DEGS1: variants seen among roughly 807,000 people sequenced by gnomAD.
The protein encoded by DEGS1 is sphingolipid delta(4)-desaturase DES1.
A neutral mutation model predicts 24.1 loss-of-function variants in DEGS1; 17 were observed. The ratio of observed to expected loss-of-function variants is 0.70; its 90% CI spans 0.48 to 1.06. The LOEUF (loss-of-function observed/expected upper bound fraction) is 1.06, where lower values mean the gene tolerates loss of function less well. Among genes scored for constraint, DEGS1 ranks in the 50% least tolerant of loss-of-function variants. The pLI is 0.00. For synonymous variants in DEGS1, 134 were observed against 140.0 expected, an observed-to-expected ratio of 0.96 and a Z score of 0.30; for missense variants, 366 against 408.9, an observed-to-expected ratio of 0.90 and a Z score of 0.91.
intron 1 of DEGS1, among the ~76,000 whole-genome samples, chr1:224,186,924 A>G (rs935067282): frequency 2.6e-5 from 4 of 152,090 alleles, no homozygotes; most frequent in African/African-American, 9.7e-5. Context: ...GGGGGAGGGA[A>G]GGGGCCTGAT....
chr1:224,187,969 T>A (rs1167998617), intron 1 of DEGS1, among the ~76,000 whole-genome samples: 1 of 151,788 alleles, frequency 6.6e-6, no homozygotes, highest in Non-Finnish European at 1.5e-5. Flanking sequence ...TTTTTTTTTT[T>A]TAATTTGTAG....
chr1:224,183,279 C>G lies in DEGS1; in HGVS notation c.-58C>G. 1.4e-6 allele frequency: 2 copies of G among 1,437,182 alleles called. No homozygotes were observed. The highest frequency in any genetic ancestry group is 1.4e-5 in the South Asian group (1 of 73,472). 89.0% of individuals were successfully genotyped at this position (1,437,182 alleles called of 1,614,324 possible). A position where few individuals can be genotyped will look rare whatever the true frequency, so the allele number is the denominator to read the frequency against. Reference sequence around the variant, plus strand: ...GGAGCCGCCGCCGCCGCCGCCACCTCTGAGCAGCCGGCTGGGAGCGAGAGC... The same window carrying G: ...GGAGCCGCCGCCGCCGCCGCCACCTGTGAGCAGCCGGCTGGGAGCGAGAGC... On this transcript the variant is annotated 5_prime_UTR_variant, in exon 1 of 3. Coordinates refer to ENST00000323699, the MANE Select transcript of DEGS1 (RefSeq NM_003676.4).
chr1:224,189,047 A>G (rs1351963262), intron 1 of DEGS1, among the ~76,000 whole-genome samples: 6 of 152,184 alleles, frequency 3.9e-5, no homozygotes, highest in African/African-American at 1.4e-4. Context: ...GTCTAGCACC[A>G]TTTGTTGAAA....
chr1:224,192,290 G>C (rs191174478), intron 2 of DEGS1, 42 bp from the exon 3 acceptor site: 5 of 1,585,756 alleles, frequency 3.2e-6, no homozygotes, highest in Non-Finnish European at 4.3e-6. Flanking sequence ...AAAGAACCTA[G>C]TAACACTCAT....
At chr1:224,190,488 G>T (rs576886790) in intron 2 of DEGS1, among the ~76,000 whole-genome samples, 169 bp downstream of exon 2, 15 of 151,776 alleles carry the variant, frequency 9.9e-5, no homozygotes, top group African/African-American at 3.6e-4. Flanking sequence ...CTCCCAAGTA[G>T]TTGGGATTAC....
intron 1 of DEGS1, among the ~76,000 whole-genome samples, chr1:224,187,150 A>G (rs1658415032): frequency 6.6e-6 from 1 of 152,066 alleles, no homozygotes; most frequent in Non-Finnish European, 1.5e-5. Context: ...TCTACTAAAA[A>G]TACAAAAATT....
chr1:224,186,264 C>T (rs900246940), intron 1 of DEGS1, among the ~76,000 whole-genome samples: 1 of 151,986 alleles, frequency 6.6e-6, no homozygotes, highest in Admixed American at 6.6e-5. Context: ...GCCGTGATTG[C>T]CCCACCGCGT....
Position 224,192,533 on chromosome 1 carries a change from T to C in DEGS1, c.*55T>C. ...CAAAACTTTAGATGATAAAATGGAA[T>C]TTTTGCATTATTAAACTTGAGACCA... On this transcript the variant is annotated 3_prime_UTR_variant, in exon 3 of 3. Transcript: ENST00000323699. The C allele has an allele frequency of 1.3e-6, 2 of 1,549,864 alleles. No homozygotes were observed. The highest frequency in any genetic ancestry group is 8.7e-7 in the Non-Finnish European group (1 of 1,145,018).
At chr1:224,188,607 G>T (rs543156864) in intron 1 of DEGS1, among the ~76,000 whole-genome samples, 8 of 152,266 alleles carry the variant, frequency 5.3e-5, no homozygotes, top group African/African-American at 1.7e-4. Flanking sequence ...ACGGTGTTGA[G>T]CCTCTTTCAT....
chr1:224,191,004 A>G (rs1359412706), intron 2 of DEGS1: 1 of 152,108 alleles, frequency 6.6e-6, no homozygotes. Flanking sequence ...CTACAGCCAC[A>G]TGCTATGACA....
At chr1:224,185,425 G>A (rs1191484521) in intron 1 of DEGS1, among the ~76,000 whole-genome samples, 1 of 152,166 alleles carries the variant, frequency 6.6e-6, no homozygotes, top group Non-Finnish European at 1.5e-5. Context: ...TGCAGCCTGG[G>A]CTCCAGTGGT....
At chr1:224,191,482 A>G (rs758397526) in intron 2 of DEGS1, among the ~76,000 whole-genome samples, 11 of 151,042 alleles carry the variant, frequency 7.3e-5, no homozygotes, top group Non-Finnish European at 1.6e-4. Context: ...TTCCAGAATG[A>G]TGCTGGGATT....
chr1:224,185,033 T>A (rs1232682134), intron 1 of DEGS1, among the ~76,000 whole-genome samples: 3 of 151,242 alleles, frequency 2.0e-5, no homozygotes, highest in Admixed American at 1.3e-4. Flanking sequence ...AAACGGTGAG[T>A]TGAACATGAG....
At chr1:224,190,401 A>G (rs1391025637) in intron 2 of DEGS1, 82 bp downstream of exon 2, 1 of 1,306,318 alleles carries the variant, frequency 7.7e-7, no homozygotes, top group Non-Finnish European at 1.0e-6. Context: ...TCAGTCGCCC[A>G]GGCTGGCGGG....
chr1:224,187,213 C>T (rs1658416791), intron 1 of DEGS1, among the ~76,000 whole-genome samples: 1 of 151,842 alleles, frequency 6.6e-6, no homozygotes, highest in Non-Finnish European at 1.5e-5. Flanking sequence ...AAGGCTGAGG[C>T]AGGAGAATTG....
At chr1:224,192,253 G>T in intron 2 of DEGS1, 79 bp from the exon 3 acceptor site, 4 of 1,219,406 alleles carry the variant, frequency 3.3e-6, no homozygotes, top group East Asian at 2.7e-5. Flanking sequence ...CTCAGTGTTT[G>T]TGTCAACCAT....
intron 1 of DEGS1, 63 bp downstream of exon 1, chr1:224,183,481 C>T: frequency 8.2e-7 from 1 of 1,222,196 alleles, no homozygotes; most frequent in Non-Finnish European, 1.0e-6. Flanking sequence ...GGCGCGCTCT[C>T]CCCTCGCGGG....
chr1:224,184,535 T>C (rs937069129), intron 1 of DEGS1, among the ~76,000 whole-genome samples: 18 of 152,090 alleles, frequency 1.2e-4, no homozygotes, highest in African/African-American at 4.3e-4. Context: ...TTTTTGAGAC[T>C]GAGTCTCACT....
At position 224,192,792 on chromosome 1, in the gene DEGS1, G is replaced by A. The variant is rs759260779; in HGVS notation, c.*314G>A. On this transcript the variant is annotated 3_prime_UTR_variant, in exon 3 of 3. Transcript: ENST00000323699. ...TATTTCGCCAGGCACGGTGGCTCATGCCTATAATCCCAGCACTTTGGGAGG... is the reference window on the plus strand; with the variant it reads ...TATTTCGCCAGGCACGGTGGCTCATACCTATAATCCCAGCACTTTGGGAGG... 1 of 258,798 alleles carries A rather than the reference G, an allele frequency of 3.9e-6. No homozygotes were observed. The highest frequency in any genetic ancestry group is 7.3e-6 in the Non-Finnish European group (1 of 136,408). 16.0% of individuals were successfully genotyped at this position (258,798 alleles called of 1,614,324 possible).
Sources: gnomAD v4.1 joint callset for allele counts (sites outside exome capture counted in the v4.1 genomes callset) on GRCh38, gnomAD v4.1.1 for gene constraint, MANE v1.5 for transcripts, NCBI Gene and HGNC (gene_info 2026-07-23, HGNC 2026-07-21) for gene names.